Variants in EPB41L4A observed in about 807,000 individuals in gnomAD.
EPB41L4A encodes band 4.1-like protein 4A.
Under a neutral mutation model 108.6 loss-of-function variants are expected in EPB41L4A, and 100 were observed. The ratio of observed to expected loss-of-function variants is 0.92; its 90% CI spans 0.78 to 1.09. EPB41L4A has a LOEUF of 1.09. Ranked by LOEUF, EPB41L4A falls within the 50% of genes least tolerant of loss-of-function variation. The probability of loss-of-function intolerance (pLI) is 0.00; values close to 1 mark genes in which losing one functional copy is unlikely to be tolerated. For synonymous variants in EPB41L4A, 319 were observed against 289.0 expected, an observed-to-expected ratio of 1.10 and a Z score of -1.05; for missense variants, 1,030 against 842.7, an observed-to-expected ratio of 1.22 and a Z score of -2.75.
intron 1 of EPB41L4A, among the ~76,000 whole-genome samples, chr5:112,324,636 T>C (rs920165855): frequency 5.4e-5 from 8 of 148,732 alleles, no homozygotes; most frequent in African/African-American, 2.0e-4. Flanking sequence ...GGCAGGAGAA[T>C]CACTTGAACC....
chr5:112,228,236 TC>T (rs1748608858), intron 12 of EPB41L4A: 1 of 152,220 alleles, frequency 6.6e-6, no homozygotes, highest in Non-Finnish European at 1.5e-5. Flanking sequence ...TGCTAGTATT[TC>T]AAATTCTAGG....
chr5:112,202,922 G>A (rs1762286476), intron 15 of EPB41L4A, among the ~76,000 whole-genome samples: 1 of 152,150 alleles, frequency 6.6e-6, no homozygotes. Flanking sequence ...AGTCATTTAG[G>A]CTGGGTGCAG....
At chr5:112,288,962 T>C (rs1373507927) in intron 2 of EPB41L4A, among the ~76,000 whole-genome samples, 5 of 152,204 alleles carry the variant, frequency 3.3e-5, no homozygotes, top group East Asian at 3.9e-4. Flanking sequence ...AATAAGAATA[T>C]TGGGAGGCCT....
intron 1 of EPB41L4A, among the ~76,000 whole-genome samples, chr5:112,326,861 A>C (rs998075963): frequency 5.3e-5 from 8 of 152,216 alleles, no homozygotes; most frequent in African/African-American, 1.9e-4. Context: ...CAGAGCAATA[A>C]CAGTCATCAC....
intron 4 of EPB41L4A, among the ~76,000 whole-genome samples, chr5:112,267,370 A>C (rs1751935695): frequency 6.6e-6 from 1 of 152,188 alleles, no homozygotes. Flanking sequence ...ACACAACCAA[A>C]GCACTTAGTG....
In EPB41L4A at chr5:112,204,472, G is replaced by A. The variant is rs779384274; in HGVS notation, c.1279C>T (p.Pro427Ser). The A allele has an allele frequency of 3.7e-6, 6 of 1,611,760 alleles. No individual in the cohort carries two copies. In the African/African-American group the frequency reaches 6.7e-5, roughly 18 times the overall value. The stretch of plus-strand genomic sequence containing the variant: ...TTTGGCGACTTAGTGCGATCACTGG[G>A]AGAATTGTAGAGTCCACTGGAGAGA... ...NGPQSGLYNS[P>S]SDRTKSPKFP... The change falls in exon 15 of 23, where the codon CCC becomes TCC. Residue 427 changes from proline (P) to serine (S), a missense_variant. Pro to Ser is a moderately conservative substitution (Grantham distance 74, BLOSUM62 -1). Coordinates refer to ENST00000261486, the MANE Select transcript of EPB41L4A (RefSeq NM_022140.5).
At chr5:112,213,489 C>T (rs1010477252) in intron 12 of EPB41L4A, among the ~76,000 whole-genome samples, 1 of 152,034 alleles carries the variant, frequency 6.6e-6, no homozygotes, top group Non-Finnish European at 1.5e-5. Context: ...GCTGGGATTA[C>T]AGGCATGCAC....
chr5:112,346,211 A>G (rs947305426), intron 1 of EPB41L4A, among the ~76,000 whole-genome samples: 2 of 65,764 alleles, frequency 3.0e-5, no homozygotes, highest in African/African-American at 7.3e-5. Flanking sequence ...AGTTAGGTAC[A>G]TTGCATTTTT....
intron 1 of EPB41L4A, among the ~76,000 whole-genome samples, chr5:112,319,664 T>G (rs1472543454): frequency 6.6e-6 from 1 of 152,198 alleles, no homozygotes; most frequent in Non-Finnish European, 1.5e-5. Context: ...GCCTATTCTC[T>G]TCAAAAATAG....
intron 15 of EPB41L4A, among the ~76,000 whole-genome samples, chr5:112,201,484 T>C (rs1445630981): frequency 6.6e-6 from 1 of 152,248 alleles, no homozygotes; most frequent in African/African-American, 2.4e-5. Context: ...AATTTAGCCA[T>C]ATTTTAGCAA....
chr5:112,330,168 C>T (rs1756465866), intron 1 of EPB41L4A, among the ~76,000 whole-genome samples: 1 of 151,792 alleles, frequency 6.6e-6, no homozygotes, highest in African/African-American at 2.4e-5. Context: ...CCCACAATGG[C>T]TTAGGTGTAC....
chr5:112,303,873 G>A (rs1754532107), intron 2 of EPB41L4A, among the ~76,000 whole-genome samples: 1 of 152,100 alleles, frequency 6.6e-6, no homozygotes, highest in Admixed American at 6.6e-5. Flanking sequence ...GATAAGGGAG[G>A]GCAAAGGAGG....
chr5:112,178,418 A>G (rs574984629), intron 18 of EPB41L4A, among the ~76,000 whole-genome samples: 1 of 152,272 alleles, frequency 6.6e-6, no homozygotes, highest in South Asian at 2.1e-4. Flanking sequence ...GAAATAAAAA[A>G]AAAGACACAA....
intron 1 of EPB41L4A, among the ~76,000 whole-genome samples, chr5:112,350,931 T>C (rs1048985833): frequency 6.6e-6 from 1 of 152,204 alleles, no homozygotes; most frequent in Admixed American, 6.5e-5. Flanking sequence ...AGCGCTGCAA[T>C]AAACAGAGAG....
At chr5:112,392,669 T>A (rs1761032274) in intron 1 of EPB41L4A, 1 of 152,190 alleles carries the variant, frequency 6.6e-6, no homozygotes, top group South Asian at 2.1e-4. Context: ...CTGTCAATAT[T>A]AGACAGATCA....
chr5:112,310,848 G>A (rs1755004096), intron 1 of EPB41L4A, among the ~76,000 whole-genome samples: 1 of 152,118 alleles, frequency 6.6e-6, no homozygotes, highest in South Asian at 2.1e-4. Flanking sequence ...ACAGGCATAT[G>A]ATCTGTGGTT....
At chr5:112,259,785 CCCA>C (rs1459093944) in intron 8 of EPB41L4A, 103 bp downstream of exon 8, 2 of 783,478 alleles carry the variant, frequency 2.6e-6, no homozygotes, top group East Asian at 2.5e-5. Flanking sequence ...TTATTTATCA[CCCA>C]CTGGAAATAT....
intron 1 of EPB41L4A, among the ~76,000 whole-genome samples, chr5:112,417,293 C>T (rs1248394537): frequency 6.6e-6 from 1 of 152,202 alleles, no homozygotes. Context: ...ATAATGTACA[C>T]GCTCTACAGC....
intron 18 of EPB41L4A, among the ~76,000 whole-genome samples, chr5:112,180,478 A>C (rs1249698406): frequency 6.6e-6 from 1 of 152,208 alleles, no homozygotes; most frequent in Non-Finnish European, 1.5e-5. Context: ...CTTTTCAAAA[A>C]TGGTGGTGGA....
Sources: allele counts gnomAD v4.1 joint callset (sites outside exome capture counted in the v4.1 genomes callset), GRCh38; gene constraint gnomAD v4.1.1; transcripts MANE v1.5; gene names NCBI Gene and HGNC (gene_info 2026-07-23, HGNC 2026-07-21).